Variants in ANKRD26 observed in about 807,000 individuals in gnomAD.
ANKRD26 encodes ankyrin repeat domain-containing protein 26.
In ANKRD26, 141 loss-of-function variants were observed where a neutral mutation model predicts 208.7. That is an observed-to-expected ratio of 0.68 (90% CI 0.59 to 0.78). The LOEUF (loss-of-function observed/expected upper bound fraction) is 0.78, where lower values mean the gene tolerates loss of function less well. ANKRD26 is among the 30% of genes least tolerant of loss of function. The pLI is 0.00. For missense variants in ANKRD26, 1,889 were observed against 1,938.7 expected (o/e 0.97, Z 0.48); for synonymous variants, 636 against 660.4 (o/e 0.96, Z 0.57).
In ANKRD26 at chr10:27,040,072, C is replaced by T. The variant is rs1157703250; in HGVS notation, c.2268G>A (p.Met756Ile). Reference sequence around the variant, plus strand: ...TTTGTAGTACATTAACCTTGTCTTCCATTTTTTTAATTTTTACTGTAAGTA... The same window carrying T: ...TTTGTAGTACATTAACCTTGTCTTCTATTTTTTTAATTTTTACTGTAAGTA... Reference protein sequence around the residue: ...CELLTVKIKKMEDKVNVLQRE... With the variant: ...CELLTVKIKKIEDKVNVLQRE... Residue 756 changes from methionine (M) to isoleucine (I), a missense_variant, in exon 21 of 34, where the codon ATG becomes ATA. Met to Ile is a conservative substitution (Grantham distance 10). Coordinates refer to ENST00000376087, the MANE Select transcript of ANKRD26 (RefSeq NM_014915.3). 5.0e-6 allele frequency: 8 copies of T among 1,613,084 alleles called. No individual in the cohort carries two copies. Among genetic ancestry groups the T allele is most frequent in the Non-Finnish European group, 5.9e-6 (7 of 1,179,514 alleles).
chr10:27,075,007 A>C (rs2055645346), intron 9 of ANKRD26, among the ~76,000 whole-genome samples: 1 of 152,160 alleles, frequency 6.6e-6, no homozygotes, highest in African/African-American at 2.4e-5. Flanking sequence ...AAATGAAGGA[A>C]AAATAAAGTC....
At chr10:27,085,276 T>C (rs947705982) in intron 5 of ANKRD26, among the ~76,000 whole-genome samples, 9 of 152,002 alleles carry the variant, frequency 5.9e-5, no homozygotes, top group African/African-American at 2.2e-4. Context: ...AATTTTTGTA[T>C]TTTTAGTAGA....
At chr10:26,975,795 T>A (rs189516947) in exon 6 of ANKRD26, among the ~76,000 whole-genome samples, 89 of 151,974 alleles carry the variant, frequency 5.9e-4, no homozygotes, top group Admixed American at 1.2e-3. Context: ...TGAGCCCAGA[T>A]TGCCCCACTG....
chr10:27,071,612 T>C (rs1363082254), intron 9 of ANKRD26, among the ~76,000 whole-genome samples: 2 of 152,154 alleles, frequency 1.3e-5, no homozygotes, highest in Non-Finnish European at 2.9e-5. Context: ...GGATTTGCGC[T>C]GCAAACTTTT....
chr10:27,035,230 T>G lies in ANKRD26; in HGVS notation c.3220A>C (p.Asn1074His), dbSNP rs770454880. ...QQLFKTESKL[N>H]SLEIEFHHTR... ...TGATGGAACTCAATTTCTAGGCTATTGAGTTTACTTTCAGTTTTAAATAGT... is the reference window on the plus strand; with the variant it reads ...TGATGGAACTCAATTTCTAGGCTATGGAGTTTACTTTCAGTTTTAAATAGT... The change falls in exon 24 of 34, where the codon AAT becomes CAT. Residue 1074 changes from asparagine to histidine, a missense_variant. Physicochemically the swap from Asn to His is moderately conservative, Grantham distance 68. Coordinates refer to ENST00000376087, the MANE Select transcript of ANKRD26 (RefSeq NM_014915.3). The G allele has an allele frequency of 6.2e-7, 1 of 1,614,080 alleles. No individual in the cohort carries two copies. The highest frequency in any genetic ancestry group is 8.5e-7 in the Non-Finnish European group (1 of 1,179,936).
chr10:27,003,879 T>C (rs971379256), downstream of ANKRD26, among the ~76,000 whole-genome samples: 9 of 152,146 alleles, frequency 5.9e-5, no homozygotes, highest in African/African-American at 1.7e-4. Flanking sequence ...AACGGAACAA[T>C]TGGACCAACA....
In ANKRD26 at chr10:27,005,321, A is replaced by AGT; in HGVS notation, c.*267_*268dup. 1 of 1,135,446 alleles carries AGT rather than the reference A, an allele frequency of 8.8e-7. No individual in the cohort carries two copies. The highest frequency in any genetic ancestry group is 1.1e-6 in the Non-Finnish European group (1 of 922,288). The allele number at this position is 1,135,446 out of a possible 1,614,324, so 70.3% of individuals were successfully genotyped here. A position where few individuals can be genotyped will look rare whatever the true frequency, so the allele number is the denominator to read the frequency against. On this transcript the variant is annotated 3_prime_UTR_variant, in exon 34 of 34. Transcript: ENST00000376087. ...ATAAGCCATCAATTAACTGCACTAA[A>AGT]GTATTAATGACAACTTAGTGGTTTG...
Position 27,034,843 on chromosome 10 carries a change from A to G in ANKRD26, c.3607T>C (p.Leu1203=), listed in dbSNP as rs2053990659. The change falls in exon 24 of 34, where the codon TTA becomes CTA. Residue 1203 remains leucine, a synonymous_variant. Coordinates refer to ENST00000376087, the MANE Select transcript of ANKRD26 (RefSeq NM_014915.3). The stretch of plus-strand genomic sequence containing the variant: ...TCATATTGATACTGTCTTTCTTTTA[A>G]GTGATTACATTCACTGATTAACTCC... ...NKELISECNH[L]KERQYQYENE... is the part of the protein sequence containing the mutation. 6 of 1,611,786 alleles carry G rather than the reference A, an allele frequency of 3.7e-6. No individual in the cohort carries two copies. Among genetic ancestry groups the G allele is most frequent in the Non-Finnish European group, 5.1e-6 (6 of 1,179,418 alleles).
intron 9 of ANKRD26, among the ~76,000 whole-genome samples, chr10:27,071,779 C>T (rs1173640453): frequency 1.3e-5 from 2 of 152,128 alleles, no homozygotes; most frequent in African/African-American, 4.8e-5. Flanking sequence ...CACACTTCCA[C>T]TGGGAAGCCC....
At chr10:27,062,338 C>A in intron 12 of ANKRD26, 1 of 543,316 alleles carries the variant, frequency 1.8e-6, no homozygotes, top group South Asian at 8.0e-5. Context: ...AATTATTGTC[C>A]AATGACGCTT....
At chr10:27,049,061 G>T in intron 16 of ANKRD26, 82 bp from the exon 17 acceptor site, 3 of 1,241,472 alleles carry the variant, frequency 2.4e-6, no homozygotes, top group South Asian at 2.9e-5. Context: ...TTTATCATTT[G>T]ACTCAGTTTA....
At chr10:27,096,507 T>TC (rs2056469084) in intron 1 of ANKRD26, among the ~76,000 whole-genome samples, 1 of 152,188 alleles carries the variant, frequency 6.6e-6, no homozygotes, top group African/African-American at 2.4e-5. Flanking sequence ...CTCATGCCTG[T>TC]AATCCCAGCA....
chr10:26,993,843 T>A (rs776815866), intron 5 of ANKRD26, among the ~76,000 whole-genome samples: 2 of 152,180 alleles, frequency 1.3e-5, no homozygotes, highest in Non-Finnish European at 2.9e-5. Flanking sequence ...CCAGGAGGCA[T>A]CTTTTTATAA....
chr10:27,027,006 A>T (rs1589236954), intron 27 of ANKRD26, among the ~76,000 whole-genome samples: 1 of 152,114 alleles, frequency 6.6e-6, no homozygotes, highest in South Asian at 2.1e-4. Flanking sequence ...GGCTGGTCTC[A>T]AACTCCTAAC....
chr10:27,076,435 C>T (rs1442437929), intron 9 of ANKRD26, among the ~76,000 whole-genome samples: 2 of 151,674 alleles, frequency 1.3e-5, no homozygotes, highest in Non-Finnish European at 2.9e-5. Context: ...GCTAATTTTT[C>T]TGTATTTTTA....
At chr10:26,978,707 CT>C (rs2052262526) in intron 5 of ANKRD26, among the ~76,000 whole-genome samples, 1 of 152,172 alleles carries the variant, frequency 6.6e-6, no homozygotes, top group Non-Finnish European at 1.5e-5. Context: ...CTCTGGCCCC[CT>C]GGGCATGTAT....
chr10:27,032,798 G>A (rs2053915783), intron 25 of ANKRD26, among the ~76,000 whole-genome samples: 1 of 151,816 alleles, frequency 6.6e-6, no homozygotes, highest in Non-Finnish European at 1.5e-5. Flanking sequence ...CTGGGCAACA[G>A]AGTGAGACTC....
rs1158061886 is a variant in ANKRD26 at position 27,064,359 on chromosome 10, T to G, written c.1270-278A>C. On this transcript the variant is annotated intron_variant, in intron 11 of 33. Coordinates refer to ENST00000376087, the MANE Select transcript of ANKRD26 (RefSeq NM_014915.3). ...ACATATTAACAGACAAAATATTAAC[T>G]TACGCGCACAGTTCAACAAGGAACT... Among the ~76,000 whole-genome samples, 8 of 152,218 alleles carry G rather than the reference T, an allele frequency of 5.3e-5. No individual in the cohort carries two copies. The East Asian group carries it at 1.5e-3, about 29-fold the overall frequency.
chr10:27,012,613 G>A (rs1395104868), intron 32 of ANKRD26, among the ~76,000 whole-genome samples: 1 of 152,058 alleles, frequency 6.6e-6, no homozygotes, highest in Non-Finnish European at 1.5e-5. Context: ...CCAGAAGTTT[G>A]AGACCAGCCT....
Sources: allele counts gnomAD v4.1 joint callset (sites outside exome capture counted in the v4.1 genomes callset), GRCh38; gene constraint gnomAD v4.1.1; transcripts MANE v1.5; gene names NCBI Gene and HGNC (gene_info 2026-07-23, HGNC 2026-07-21).